Variants in CCNT2 observed in about 807,000 individuals in gnomAD.
CCNT2 encodes the protein cyclin-T2.
CCNT2 carries 18 observed loss-of-function variants against 70.0 expected under a neutral mutation model. That is an observed-to-expected ratio of 0.26 (90% CI 0.18 to 0.38). The LOEUF (loss-of-function observed/expected upper bound fraction) is 0.38, where lower values mean the gene tolerates loss of function less well. Ranked by LOEUF, CCNT2 falls within the 10% of genes least tolerant of loss-of-function variation. CCNT2 has a pLI of 1.00. For synonymous variants in CCNT2, 334 were observed against 313.3 expected, an observed-to-expected ratio of 1.07 and a Z score of -0.70; for missense variants, 734 against 890.2, an observed-to-expected ratio of 0.82 and a Z score of 2.23.
At chr2:134,947,679 T>G (rs1056899072) in intron 6 of CCNT2, 57 bp from the exon 7 acceptor site, 2 of 1,296,134 alleles carry the variant, frequency 1.5e-6, no homozygotes, top group Non-Finnish European at 2.0e-6. Context: ...ATGTTTTTCT[T>G]TGTTTTACAT....
Position 134,958,652 on chromosome 2 carries a change from C to T in CCNT2, c.*4004C>T, listed in dbSNP as rs774240840. ...GCTGTAAGCTGACATACATGGAAGC[C>T]GAAATCAAAAGGTTGCTTTTGTTAG... On this transcript the variant is annotated 3_prime_UTR_variant, in exon 9 of 9. Transcript: ENST00000264157. 1.3e-5 allele frequency: 2 copies of T among 152,112 alleles called. No homozygotes were observed. The highest frequency in any genetic ancestry group is 2.4e-5 in the African/African-American group (1 of 41,422). The allele number at this position is 152,112 out of a possible 1,614,324, so 9.4% of individuals were successfully genotyped here.
chr2:134,932,838 T>C (rs923049102), intron 2 of CCNT2, among the ~76,000 whole-genome samples: 1 of 152,264 alleles, frequency 6.6e-6, no homozygotes, highest in African/African-American at 2.4e-5. Context: ...TCCTCTACTT[T>C]CCTTTTCTTA....
intron 6 of CCNT2, chr2:134,946,568 T>C (rs568590050): frequency 8.5e-6 from 2 of 236,624 alleles, no homozygotes; most frequent in East Asian, 3.5e-4. Context: ...TAAAGTTTTT[T>C]TAATAAATAA....
intron 2 of CCNT2, among the ~76,000 whole-genome samples, chr2:134,920,652 A>G (rs1160155995): frequency 3.3e-5 from 5 of 152,316 alleles, no homozygotes; most frequent in East Asian, 1.9e-4. Context: ...AGAAAATTGC[A>G]TATTGTTTAG....
chr2:134,942,714 T>G, intron 5 of CCNT2, 40 bp downstream of exon 5: 1 of 1,529,628 alleles, frequency 6.5e-7, no homozygotes, highest in Non-Finnish European at 8.9e-7. Flanking sequence ...GTATTAATGC[T>G]TTTTATTATC....
At chr2:134,951,549 T>TA (rs1271165853) in intron 7 of CCNT2, among the ~76,000 whole-genome samples, 2 of 151,070 alleles carry the variant, frequency 1.3e-5, no homozygotes, top group Admixed American at 6.6e-5. Context: ...TTTTCCCCTT[T>TA]AAAAAAAAAG....
At chr2:134,926,905 A>G (rs186778390) in intron 2 of CCNT2, among the ~76,000 whole-genome samples, 10 of 152,308 alleles carry the variant, frequency 6.6e-5, no homozygotes, top group Non-Finnish European at 7.4e-5. Context: ...GTAAATCACT[A>G]AAAGTTTACC....
chr2:134,929,626 A>AGAGAGAGAGAGAGAGAGG (rs1680581832), intron 2 of CCNT2, among the ~76,000 whole-genome samples: 2 of 137,514 alleles, frequency 1.5e-5, no homozygotes, highest in Admixed American at 7.6e-5. Flanking sequence ...AGAGAGAGAG[A>AGAGAGAGAGAGAGAGAGG]GAGAGAGAGA....
In CCNT2 at chr2:134,954,737, C is replaced by G. The variant is rs1039395213; in HGVS notation, c.*89C>G. On this transcript the variant is annotated 3_prime_UTR_variant, in exon 9 of 9. Coordinates refer to ENST00000264157, the MANE Select transcript of CCNT2 (RefSeq NM_058241.3). ...TCCTTCTGATCTAGCAGTGGTAACC[C>G]CTGCTGTTGCTGCCACTGCTTCAAT... 1.3e-6 allele frequency: 1 copy of G among 757,308 alleles called. No homozygotes were observed. Among genetic ancestry groups the G allele is most frequent in the Non-Finnish European group, 2.2e-6 (1 of 452,310 alleles). The allele number at this position is 757,308 out of a possible 1,614,324, so 46.9% of individuals were successfully genotyped here. A position where few individuals can be genotyped will look rare whatever the true frequency, so the allele number is the denominator to read the frequency against.
chr2:134,949,857 G>A (rs988836669), intron 7 of CCNT2, among the ~76,000 whole-genome samples: 11 of 151,866 alleles, frequency 7.2e-5, no homozygotes, highest in African/African-American at 1.5e-4. Context: ...GTGCGGTGGC[G>A]CAATCTCGGC....
At position 134,953,980 on chromosome 2, in the gene CCNT2, A is replaced by G; in HGVS notation, c.1525A>G (p.Ile509Val). The change falls in exon 9 of 9, where the codon ATT becomes GTT. Residue 509 changes from isoleucine (I) to valine (V), a missense_variant. Transcript: ENST00000264157. ...AAAGAGTGGGTCACTGAAATTACGG[A>G]TTCCAATACCACCCACTGATAAAAG... ...KEKSGSLKLRIPIPPTDKSAS... is the reference protein window; with the variant it reads ...KEKSGSLKLRVPIPPTDKSAS... 1.2e-6 allele frequency: 2 copies of G among 1,614,184 alleles called. No homozygotes were observed. Among genetic ancestry groups the G allele is most frequent in the Non-Finnish European group, 1.7e-6 (2 of 1,180,018 alleles).
intron 2 of CCNT2, among the ~76,000 whole-genome samples, chr2:134,922,250 C>CA (rs1292862346): frequency 1.3e-5 from 2 of 152,130 alleles, no homozygotes; most frequent in Non-Finnish European, 2.9e-5. Context: ...AAATAACAAG[C>CA]TTAAATAAGT....
intron 2 of CCNT2, among the ~76,000 whole-genome samples, chr2:134,924,784 T>A (rs1199924263): frequency 1.3e-5 from 2 of 152,286 alleles, no homozygotes; most frequent in Middle Eastern, 3.4e-3. Context: ...CTTTATAGTT[T>A]TAGCACCCAA....
At chr2:134,923,231 A>G (rs1242419250) in intron 2 of CCNT2, among the ~76,000 whole-genome samples, 2 of 152,186 alleles carry the variant, frequency 1.3e-5, no homozygotes, top group African/African-American at 4.8e-5. Flanking sequence ...CAGTGAGCCG[A>G]GATCACATCA....
Position 134,956,423 on chromosome 2 carries a change from G to C in CCNT2, c.*1775G>C, listed in dbSNP as rs1682928259. The C allele has an allele frequency of 6.6e-6, 1 of 152,436 alleles. No individual in the cohort carries two copies. Among genetic ancestry groups the C allele is most frequent in the African/African-American group, 2.4e-5 (1 of 41,446 alleles). 9.4% of individuals were successfully genotyped at this position (152,436 alleles called of 1,614,324 possible). A position where few individuals can be genotyped will look rare whatever the true frequency, so the allele number is the denominator to read the frequency against. On this transcript the variant is annotated 3_prime_UTR_variant, in exon 9 of 9. Transcript: ENST00000264157. ...TTTGTTCTGGTCTTGCATAACTTCA[G>C]TAATCTTTGTCATTATATGTAACTT...
Position 134,953,952 on chromosome 2 carries a change from G to T in CCNT2, c.1497G>T (p.Lys499Asn). 2 of 1,614,006 alleles carry T rather than the reference G, an allele frequency of 1.2e-6. No homozygotes were observed. The highest frequency in any genetic ancestry group is 2.2e-5 in the South Asian group (2 of 91,076). The change falls in exon 9 of 9, where the codon AAG becomes AAT. Residue 499 changes from lysine to asparagine, a missense_variant. This residue lies in a region of CCNT2 where 532 missense variants were observed against 556.9 expected (regional missense o/e 0.96). Transcript: ENST00000264157. ...ANTEKYMADKKEKSGSLKLRI... is the reference protein window; with the variant it reads ...ANTEKYMADKNEKSGSLKLRI... ...CTGAAAAATACATGGCAGACAAAAAGGAAAAGAGTGGGTCACTGAAATTAC... is the reference window on the plus strand; with the variant it reads ...CTGAAAAATACATGGCAGACAAAAATGAAAAGAGTGGGTCACTGAAATTAC...
intron 4 of CCNT2, among the ~76,000 whole-genome samples, chr2:134,939,765 C>G (rs1681433381): frequency 6.6e-6 from 1 of 152,152 alleles, no homozygotes; most frequent in Non-Finnish European, 1.5e-5. Context: ...CACGCCCGGC[C>G]TATCATATGA....
rs77407263 is a variant in CCNT2 at position 134,920,690 on chromosome 2, C to G, written c.240+799C>G. On this transcript the variant is annotated intron_variant, in intron 2 of 8. Transcript: ENST00000264157. The stretch of plus-strand genomic sequence containing the variant: ...ATGTTTAACTCTGCTTTAATTCTGT[C>G]TTTATTTGTTACTTTTTATCATAGT... Among the ~76,000 whole-genome samples the G allele has an allele frequency of 2.5e-3, 384 of 152,178 alleles. 1 individual carries two copies. The highest frequency in any genetic ancestry group is 8.7e-3 in the African/African-American group (363 of 41,514).
At chr2:134,947,041 A>T (rs1349973619) in intron 6 of CCNT2, among the ~76,000 whole-genome samples, 1 of 152,212 alleles carries the variant, frequency 6.6e-6, no homozygotes. Context: ...ACATAAAAAG[A>T]CTTAAATTTG....
Sources: gnomAD v4.1 joint callset for allele counts (sites outside exome capture counted in the v4.1 genomes callset) on GRCh38, gnomAD v4.1.1 for gene constraint, gnomAD v4.1.1 regional missense constraint, MANE v1.5 for transcripts, NCBI Gene and HGNC (gene_info 2026-07-23, HGNC 2026-07-21) for gene names.